The following OSBPL9 variants were observed in gnomAD, a reference collection of about 807,000 sequenced individuals.
OSBPL9 encodes oxysterol binding protein like 9, also known as oxysterol-binding protein-related protein 9.
A neutral mutation model predicts 106.6 loss-of-function variants in OSBPL9; 40 were observed. That is an observed-to-expected ratio of 0.38 (90% CI 0.29 to 0.49). The LOEUF is 0.49. Among genes scored for constraint, OSBPL9 ranks in the 20% least tolerant of loss-of-function variants. The pLI is 0.97. For synonymous variants in OSBPL9, 269 were observed against 295.4 expected (o/e 0.91, Z 0.92); for missense variants, 609 against 887.2 (o/e 0.69, Z 3.98).
chr1:51,525,887 T>G, the OSBPL9 span, among the ~76,000 whole-genome samples: 1 of 151,936 alleles, frequency 6.6e-6, no homozygotes, highest in Non-Finnish European at 1.5e-5. Flanking sequence ...ATTTTTTTTG[T>G]TCTTTTTGAG....
At chr1:51,553,948 G>A in the OSBPL9 span, among the ~76,000 whole-genome samples, 2 of 152,174 alleles carry the variant, frequency 1.3e-5, no homozygotes, top group Non-Finnish European at 2.9e-5. Context: ...CAAACTGTTG[G>A]GATTACAGGC....
intron 3 of OSBPL9, among the ~76,000 whole-genome samples, chr1:51,700,303 C>G (rs989146149): frequency 6.6e-6 from 1 of 152,174 alleles, no homozygotes; most frequent in Non-Finnish European, 1.5e-5. Flanking sequence ...ATGATGCATG[C>G]CCTCTTCACC....
intron 1 of OSBPL9, among the ~76,000 whole-genome samples, chr1:51,636,939 G>A (rs145970250): frequency 1.7e-4 from 26 of 152,174 alleles, no homozygotes; most frequent in Admixed American, 5.9e-4. Flanking sequence ...CAGCATTACC[G>A]CCCTCTGAGG....
At chr1:51,748,252 G>A (rs961940041) in intron 6 of OSBPL9, 117 bp from the exon 7 acceptor site, 1 of 1,238,730 alleles carries the variant, frequency 8.1e-7, no homozygotes. Flanking sequence ...CAACTTGCTT[G>A]TACTCACTTA....
chr1:51,617,032 TGCGGCCCCGCCCCCC>T, upstream of OSBPL9: 2 of 382,230 alleles, frequency 5.2e-6, no homozygotes, highest in Non-Finnish European at 7.3e-6. Flanking sequence ...CCCCGCCCCC[TGCGGCCCCGCCCCCC>T]GCATGCTGAA....
At chr1:51,582,201 T>G (rs998678154) in intron 1 of OSBPL9, among the ~76,000 whole-genome samples, 1 of 152,214 alleles carries the variant, frequency 6.6e-6, no homozygotes, top group Non-Finnish European at 1.5e-5. Context: ...GAATTATAAT[T>G]GTTAACTGAT....
chr1:51,780,862 G>T (rs1571758206), intron 15 of OSBPL9, among the ~76,000 whole-genome samples: 2 of 152,280 alleles, frequency 1.3e-5, no homozygotes, highest in Admixed American at 1.3e-4. Flanking sequence ...AGTGTACACT[G>T]CTTGGGTGAT....
intron 2 of OSBPL9, among the ~76,000 whole-genome samples, chr1:51,602,272 TGCTGGGATTACAGGC>T (rs1276275391): frequency 6.6e-6 from 1 of 151,890 alleles, no homozygotes; most frequent in Non-Finnish European, 1.5e-5. Context: ...CCTCCCAAAG[TGCTGGGATTACAGGC>T]GTGAGCCACC....
the OSBPL9 span, among the ~76,000 whole-genome samples, chr1:51,568,958 C>G: frequency 6.6e-6 from 1 of 152,156 alleles, no homozygotes; most frequent in Non-Finnish European, 1.5e-5. Context: ...AGTGATCTAC[C>G]CGCCTCAGCC....
the OSBPL9 span, among the ~76,000 whole-genome samples, chr1:51,530,183 A>T: frequency 9.3e-6 from 1 of 107,208 alleles, no homozygotes. Context: ...AAAAAAAAAA[A>T]AAAAAAAAAC....
chr1:51,558,827 A>G, the OSBPL9 span, among the ~76,000 whole-genome samples: 1 of 152,162 alleles, frequency 6.6e-6, no homozygotes, highest in East Asian at 1.9e-4. Context: ...AGATGAACCC[A>G]TTGGGTGATG....
At chr1:51,668,378 T>C (rs1019013175) in intron 2 of OSBPL9, among the ~76,000 whole-genome samples, 1 of 152,114 alleles carries the variant, frequency 6.6e-6, no homozygotes, top group Non-Finnish European at 1.5e-5. Context: ...TCCCAGCACT[T>C]TGGGAGACTG....
chr1:51,548,484 T>C, the OSBPL9 span, among the ~76,000 whole-genome samples: 2 of 152,000 alleles, frequency 1.3e-5, no homozygotes, highest in African/African-American at 4.8e-5. Flanking sequence ...GAAGCCTCTA[T>C]CTCCTGGGCT....
At chr1:51,559,432 CACAT>C in the OSBPL9 span, among the ~76,000 whole-genome samples, 1 of 125,716 alleles carries the variant, frequency 8.0e-6, no homozygotes, top group Non-Finnish European at 1.7e-5. Flanking sequence ...TACAGACACA[CACAT>C]ACATACACAC....
intron 1 of OSBPL9, among the ~76,000 whole-genome samples, chr1:51,627,194 T>C (rs1050819459): frequency 2.6e-5 from 4 of 152,074 alleles, no homozygotes; most frequent in Admixed American, 2.6e-4. Context: ...GAGGATGGGG[T>C]CTTGCCATGT....
Position 51,729,911 on chromosome 1 carries a change from G to T in OSBPL9, c.319-15625G>T. 7.8e-7 allele frequency: 1 copy of T among 1,288,176 alleles called. No homozygotes were observed. Among genetic ancestry groups the T allele is most frequent in the East Asian group, 2.9e-5 (1 of 34,286 alleles). 79.8% of individuals were successfully genotyped at this position (1,288,176 alleles called of 1,614,324 possible). A position where few individuals can be genotyped will look rare whatever the true frequency, so the allele number is the denominator to read the frequency against. ...GATCGGGTCGAGGGGAGAAGAAAAA[G>T]GGGTGCTCGGGAGCAGCCCCCGGCT... is the stretch of plus-strand genomic sequence containing the variant. On this transcript the variant is annotated intron_variant, in intron 4 of 23. Transcript: ENST00000428468. The surrounding 1 kb of genome is among the most constrained non-coding windows in gnomAD (Gnocchi z 5.1).
intron 1 of OSBPL9, among the ~76,000 whole-genome samples, chr1:51,585,107 G>C (rs1421335520): frequency 6.6e-6 from 1 of 151,298 alleles, no homozygotes; most frequent in Non-Finnish European, 1.5e-5. Flanking sequence ...CCAGGAGTTC[G>C]AGGCTGCCAT....
intron 3 of OSBPL9, among the ~76,000 whole-genome samples, chr1:51,672,115 A>G (rs2148770032): frequency 6.6e-6 from 1 of 152,238 alleles, no homozygotes; most frequent in East Asian, 1.9e-4. Flanking sequence ...AGGCCATTAG[A>G]AGGTTTTGAG....
At chr1:51,693,882 G>A (rs996642322) in intron 3 of OSBPL9, among the ~76,000 whole-genome samples, 1 of 152,172 alleles carries the variant, frequency 6.6e-6, no homozygotes, top group Non-Finnish European at 1.5e-5. Flanking sequence ...GCTGCTATTC[G>A]TAGTGTAACT....
Sources: gnomAD v4.1 joint callset for allele counts (sites outside exome capture counted in the v4.1 genomes callset) on GRCh38, gnomAD v4.1.1 for gene constraint, Gnocchi (gnomAD v3.1) non-coding constraint, MANE v1.5 for transcripts, NCBI Gene and HGNC (gene_info 2026-07-23, HGNC 2026-07-21) for gene names.